PTK2B: variants seen among roughly 807,000 people sequenced by gnomAD.
The protein encoded by PTK2B is protein-tyrosine kinase 2-beta.
Under a neutral mutation model 142.9 loss-of-function variants are expected in PTK2B, and 71 were observed. The observed-to-expected ratio is 0.50, with a 90% confidence interval of 0.41 to 0.61. The LOEUF (loss-of-function observed/expected upper bound fraction) is 0.61, where lower values mean the gene tolerates loss of function less well. PTK2B is among the 20% of genes least tolerant of loss of function. The probability of loss-of-function intolerance (pLI) is 0.00; values close to 1 mark genes in which losing one functional copy is unlikely to be tolerated. For missense variants in PTK2B, 1,105 were observed against 1,320.4 expected (o/e 0.84, Z 2.53); for synonymous variants, 519 against 503.4 (o/e 1.03, Z -0.42).
intron 1 of PTK2B, among the ~76,000 whole-genome samples, chr8:27,377,858 C>G (rs1395459346): frequency 6.6e-6 from 1 of 152,132 alleles, no homozygotes; most frequent in Non-Finnish European, 1.5e-5. Context: ...GGAGAAGGTT[C>G]TGGAAAATGT....
intron 1 of PTK2B, among the ~76,000 whole-genome samples, chr8:27,349,993 A>C (rs1487345730): frequency 6.6e-6 from 1 of 152,232 alleles, no homozygotes; most frequent in Admixed American, 6.5e-5. Flanking sequence ...CACCCGGTCA[A>C]GACTTCAGCC....
At chr8:27,380,665 C>G (rs1806958699) in intron 1 of PTK2B, 1 of 152,184 alleles carries the variant, frequency 6.6e-6, no homozygotes. Context: ...GAAGGGCCTG[C>G]CTTTGAGACT....
chr8:27,319,189 G>A (rs932451707), intron 3 of PTK2B, among the ~76,000 whole-genome samples: 7 of 151,774 alleles, frequency 4.6e-5, no homozygotes, highest in Non-Finnish European at 1.5e-5. Flanking sequence ...ATTTTAGAGA[G>A]AACAGTATAA....
intron 27 of PTK2B, 98 bp downstream of exon 27, chr8:27,451,607 G>C (rs1483791372): frequency 6.3e-7 from 1 of 1,593,370 alleles, no homozygotes; most frequent in Admixed American, 1.7e-5. Context: ...AGCGGAGTCT[G>C]TCTGCATTCC....
chr8:27,412,055 C>G (rs4733056), intron 2 of PTK2B, among the ~76,000 whole-genome samples: 124,490 of 152,196 alleles, frequency 0.82, 51,453 homozygotes, highest in Middle Eastern at 0.95. Context: ...CATATCCTCA[C>G]AAGGCTTTGC....
chr8:27,310,713 G>A, upstream of PTK2B: 1 of 1,417,632 alleles, frequency 7.1e-7, no homozygotes, highest in African/African-American at 1.4e-5. Flanking sequence ...ACTGGGCTCT[G>A]GCAGGCAGGA....
intron 1 of PTK2B, among the ~76,000 whole-genome samples, chr8:27,387,565 G>A (rs1005729270): frequency 6.6e-6 from 1 of 152,134 alleles, no homozygotes; most frequent in Non-Finnish European, 1.5e-5. Context: ...CTTGTTGAAT[G>A]CCCTTGCCCT....
At chr8:27,377,117 G>T (rs996370877) in intron 1 of PTK2B, among the ~76,000 whole-genome samples, 1 of 152,140 alleles carries the variant, frequency 6.6e-6, no homozygotes, top group Non-Finnish European at 1.5e-5. Flanking sequence ...CGGGTAAAAG[G>T]TGTAGAAAAA....
intron 1 of PTK2B, among the ~76,000 whole-genome samples, chr8:27,366,041 C>T (rs1806002108): frequency 6.6e-6 from 1 of 152,350 alleles, no homozygotes. Flanking sequence ...ACACCTGCCT[C>T]ATCTCTTCAT....
intron 1 of PTK2B, among the ~76,000 whole-genome samples, chr8:27,383,565 G>A (rs4733054): frequency 0.38 from 57,610 of 151,802 alleles, 11,365 homozygotes; most frequent in Middle Eastern, 0.5. Flanking sequence ...GGCCTCCTCT[G>A]TTTCTTTCAT....
rs1275001294 is a variant in PTK2B at position 27,450,794 on chromosome 8, C to T, written c.2386C>T (p.Leu796=). 1 of 1,614,190 alleles carries T rather than the reference C, an allele frequency of 6.2e-7. No homozygotes were observed. ...QPSSREEAQQ[L]WEAEKVKMRQ... ...CAGCAGCCGAGAAGAGGCCCAGCAG[C>T]TGTGGGAGGCTGAAAAGGTCAAAAT... The change falls in exon 25 of 31, where the codon CTG becomes TTG. Residue 796 remains leucine, a synonymous_variant. Coordinates refer to ENST00000346049, the MANE Select transcript of PTK2B (RefSeq NM_173176.3).
intron 1 of PTK2B, among the ~76,000 whole-genome samples, chr8:27,345,242 C>T (rs903552116): frequency 4.6e-5 from 7 of 152,244 alleles, no homozygotes; most frequent in African/African-American, 1.2e-4. Flanking sequence ...TTTTATTTCT[C>T]CCTCTTTTCC....
intron 1 of PTK2B, among the ~76,000 whole-genome samples, chr8:27,392,156 A>C (rs1299484120): frequency 6.6e-6 from 1 of 152,210 alleles, no homozygotes; most frequent in Non-Finnish European, 1.5e-5. Context: ...TAGAGGCGTG[A>C]ACAAGTTCTA....
At chr8:27,369,054 G>A (rs1806185555) in intron 1 of PTK2B, among the ~76,000 whole-genome samples, 1 of 152,164 alleles carries the variant, frequency 6.6e-6, no homozygotes, top group Non-Finnish European at 1.5e-5. Context: ...TCTCTATTTT[G>A]GAGCTGCAGC....
chr8:27,439,637 G>T (rs1439794397), intron 20 of PTK2B, among the ~76,000 whole-genome samples: 3 of 152,082 alleles, frequency 2.0e-5, no homozygotes, highest in African/African-American at 7.2e-5. Flanking sequence ...AGAGGCTCTT[G>T]TGACATGTGT....
intron 1 of PTK2B, among the ~76,000 whole-genome samples, chr8:27,348,851 A>G (rs1173374792): frequency 6.6e-6 from 1 of 152,004 alleles, no homozygotes; most frequent in Non-Finnish European, 1.5e-5. Context: ...GCCCTGTACC[A>G]AGCCACATCC....
chr8:27,451,805 C>A, intron 27 of PTK2B: 1 of 1,289,420 alleles, frequency 7.8e-7, no homozygotes. Flanking sequence ...TTCTCTCTTC[C>A]TCATTTCCTG....
chr8:27,454,357 G>A, intron 29 of PTK2B, 66 bp downstream of exon 29: 1 of 1,581,024 alleles, frequency 6.3e-7, no homozygotes, highest in South Asian at 1.1e-5. Flanking sequence ...AAAGGGGACT[G>A]CGCTTCCTGT....
chr8:27,337,588 C>T (rs1442729523), intron 1 of PTK2B, among the ~76,000 whole-genome samples: 1 of 152,198 alleles, frequency 6.6e-6, no homozygotes, highest in African/African-American at 2.4e-5. Flanking sequence ...CTGGTCATTC[C>T]ATATAAGTGG....
Sources: allele counts gnomAD v4.1 joint callset (sites outside exome capture counted in the v4.1 genomes callset), GRCh38; gene constraint gnomAD v4.1.1; transcripts MANE v1.5; gene names NCBI Gene and HGNC (gene_info 2026-07-23, HGNC 2026-07-21).